Variants in GABRA3 observed in about 807,000 individuals in gnomAD.
The protein encoded by GABRA3 is gamma-aminobutyric acid type A receptor subunit alpha3.
GABRA3 carries 10 observed loss-of-function variants against 30.1 expected under a neutral mutation model. That is an observed-to-expected ratio of 0.33 (90% CI 0.20 to 0.56). The LOEUF (loss-of-function observed/expected upper bound fraction) is 0.56. GABRA3 is among the 20% of genes least tolerant of loss of function. GABRA3 has a pLI of 0.89. For synonymous variants in GABRA3, 151 were observed against 146.8 expected, an observed-to-expected ratio of 1.03 and a Z score of -0.21; for missense variants, 233 against 392.0, an observed-to-expected ratio of 0.59 and a Z score of 3.42.
chrX:152,177,566 G>GA (rs72056570), intron 9 of GABRA3, among the ~76,000 whole-genome samples: 2,473 of 95,553 alleles, frequency 0.026, 28 homozygotes, highest in Middle Eastern at 0.043. Context: ...CTGTTTTTCT[G>GA]AAAAAAAAAA....
chrX:152,411,526 T>A (rs1325780331), intron 1 of GABRA3, among the ~76,000 whole-genome samples: 2 of 111,584 alleles, frequency 1.8e-5, no homozygotes, highest in East Asian at 5.6e-4. Flanking sequence ...GATATCCATA[T>A]GCAAAAGGAG....
intron 5 of GABRA3, among the ~76,000 whole-genome samples, chrX:152,237,700 T>A (rs1277038765): frequency 9.5e-6 from 1 of 105,492 alleles, no homozygotes; most frequent in African/African-American, 3.6e-5. Flanking sequence ...CTTGAAGAGG[T>A]CCTTCACATC....
chrX:152,214,046 A>C (rs1389358384), intron 6 of GABRA3, among the ~76,000 whole-genome samples: 1 of 110,955 alleles, frequency 9.0e-6, no homozygotes, highest in Non-Finnish European at 1.9e-5. Flanking sequence ...ATTGCACCCT[A>C]CAGGTATTTT....
chrX:152,419,241 T>A (rs746089451), intron 1 of GABRA3, among the ~76,000 whole-genome samples: 9 of 110,683 alleles, frequency 8.1e-5, no homozygotes, highest in Non-Finnish European at 1.5e-4. Flanking sequence ...TGTACACATA[T>A]GTAACAAACC....
intron 3 of GABRA3, among the ~76,000 whole-genome samples, chrX:152,330,156 C>T (rs1603242839): frequency 8.9e-6 from 1 of 112,046 alleles, no homozygotes; most frequent in East Asian, 2.8e-4. Flanking sequence ...GAGATACCAT[C>T]TCACACCTGT....
intron 1 of GABRA3, among the ~76,000 whole-genome samples, chrX:152,417,466 G>A (rs1930256875): frequency 9.2e-6 from 1 of 109,134 alleles, no homozygotes; most frequent in African/African-American, 3.4e-5. Context: ...AGTCAGTGTG[G>A]CGATTCCTCA....
At chrX:152,319,691 C>T (rs1304659014) in intron 3 of GABRA3, among the ~76,000 whole-genome samples, 1 of 111,098 alleles carries the variant, frequency 9.0e-6, no homozygotes, top group Admixed American at 9.6e-5. Context: ...ACTAAGAACC[C>T]AAAAGCAAAT....
chrX:152,242,070 A>T (rs186327077), intron 5 of GABRA3, among the ~76,000 whole-genome samples: 3,243 of 111,927 alleles, frequency 0.029, 50 homozygotes, highest in Non-Finnish European at 0.041. Flanking sequence ...GGTACTAACA[A>T]AAAAACAAAC....
chrX:152,440,874 G>A (rs1930909607), intron 1 of GABRA3, among the ~76,000 whole-genome samples: 1 of 110,728 alleles, frequency 9.0e-6, no homozygotes, highest in Admixed American at 9.6e-5. Context: ...GGGGTGGGAG[G>A]CTAGGGGAGG....
intron 9 of GABRA3, among the ~76,000 whole-genome samples, chrX:152,186,139 G>A (rs968230722): frequency 2.7e-5 from 3 of 111,774 alleles, no homozygotes; most frequent in East Asian, 2.8e-4. Flanking sequence ...ACAAAGTCCT[G>A]TAGTGTAACC....
chrX:152,324,295 G>A (rs949006717), intron 3 of GABRA3, among the ~76,000 whole-genome samples: 8 of 111,971 alleles, frequency 7.1e-5, no homozygotes, highest in African/African-American at 2.3e-4. Context: ...TAAAATTCTG[G>A]GTCAGACTGG....
At position 152,235,034 on chromosome X, in the gene GABRA3, G is replaced by T. The variant is rs757876125; in HGVS notation, c.552-10189C>A. On this transcript the variant is annotated intron_variant, in intron 5 of 9. Coordinates refer to ENST00000370314, the MANE Select transcript of GABRA3 (RefSeq NM_000808.4). ...TGACATTGGTATTTTGGTAGGAATT[G>T]CACTGAATCTCTAGATTGCTTTGAA... Among the ~76,000 whole-genome samples the T allele has an allele frequency of 6.3e-5, 7 of 111,673 alleles. No individual in the cohort carries two copies. The South Asian group carries it at 2.6e-3, about 41-fold the overall frequency.
chrX:152,224,879 C>T lies in GABRA3; in HGVS notation c.552-34G>A, dbSNP rs144415553. The stretch of plus-strand genomic sequence containing the variant: ...AAGGCAAACAGAAAATGAAATTAAG[C>T]TAAAATAAATGTTATTAAACACAGG... On this transcript the variant is annotated intron_variant, in intron 5 of 9. Coordinates refer to ENST00000370314, the MANE Select transcript of GABRA3 (RefSeq NM_000808.4). 118 of 1,003,858 alleles carry T rather than the reference C, an allele frequency of 1.2e-4. No individual in the cohort carries two copies. The African/African-American group carries it at 1.9e-3, about 16-fold the overall frequency. 82.7% of individuals were successfully genotyped at this position (1,003,858 alleles called of 1,213,427 possible).
intron 9 of GABRA3, among the ~76,000 whole-genome samples, chrX:152,182,631 CACTATATAT>C (rs1274613020): frequency 6.0e-4 from 7 of 11,748 alleles, no homozygotes; most frequent in Non-Finnish European, 1.0e-3. Context: ...AGTATATATA[CACTATATAT>C]ACACTATATA....
chrX:152,380,189 G>C (rs1184889519), intron 1 of GABRA3, among the ~76,000 whole-genome samples: 1 of 111,266 alleles, frequency 9.0e-6, no homozygotes, highest in Non-Finnish European at 1.9e-5. Context: ...CTGTGCAATA[G>C]ATCTCAAAAC....
chrX:152,202,051 T>C (rs886630439), intron 7 of GABRA3, among the ~76,000 whole-genome samples: 3 of 112,282 alleles, frequency 2.7e-5, no homozygotes, highest in African/African-American at 6.5e-5. Flanking sequence ...AAACAGGGGA[T>C]GGTGTCAACA....
At chrX:152,187,785 T>C (rs1253185706) in intron 9 of GABRA3, among the ~76,000 whole-genome samples, 1 of 111,562 alleles carries the variant, frequency 9.0e-6, no homozygotes, top group Non-Finnish European at 1.9e-5. Context: ...ATAACAAGAG[T>C]AGTAAAAATT....
intron 4 of GABRA3, among the ~76,000 whole-genome samples, chrX:152,270,515 G>A (rs1047570138): frequency 2.5e-4 from 28 of 111,212 alleles, no homozygotes; most frequent in Admixed American, 1.9e-4. Context: ...AAGCAACTTC[G>A]GGACTGGATA....
intron 1 of GABRA3, among the ~76,000 whole-genome samples, chrX:152,370,077 TATAAG>T (rs1223053789): frequency 8.9e-6 from 1 of 111,779 alleles, no homozygotes; most frequent in Non-Finnish European, 1.9e-5. Flanking sequence ...GTCAATATTA[TATAAG>T]ATAACAAACG....
Sources: allele counts gnomAD v4.1 joint callset (sites outside exome capture counted in the v4.1 genomes callset), GRCh38; gene constraint gnomAD v4.1.1; transcripts MANE v1.5; gene names NCBI Gene and HGNC (gene_info 2026-07-23, HGNC 2026-07-21).